Variants in SLC12A6 observed in about 807,000 individuals in gnomAD.
SLC12A6 encodes the protein K-Cl cotransporter 3.
In SLC12A6, 66 loss-of-function variants were observed where a neutral mutation model predicts 135.3. The ratio of observed to expected loss-of-function variants is 0.49; its 90% CI spans 0.40 to 0.60. The LOEUF is 0.60. SLC12A6 is among the 20% of genes least tolerant of loss of function. SLC12A6 has a pLI of 0.00. For missense variants in SLC12A6, 1,058 were observed against 1,452.3 expected (o/e 0.73, Z 4.41); for synonymous variants, 513 against 508.8 (o/e 1.01, Z -0.11).
intron 9 of SLC12A6, among the ~76,000 whole-genome samples, chr15:34,253,942 C>A (rs553244410): frequency 6.6e-6 from 1 of 152,208 alleles, no homozygotes; most frequent in East Asian, 1.9e-4. Context: ...CTAGGCTGGG[C>A]GCAGTGGCTC....
At chr15:34,327,530 C>T (rs866439310) in intron 2 of SLC12A6, among the ~76,000 whole-genome samples, 2 of 151,988 alleles carry the variant, frequency 1.3e-5, no homozygotes, top group African/African-American at 4.8e-5. Flanking sequence ...TGGTGGCATG[C>T]GCCTGTAATC....
chr15:34,253,479 G>A (rs969257267), intron 9 of SLC12A6, among the ~76,000 whole-genome samples: 11 of 152,258 alleles, frequency 7.2e-5, no homozygotes, highest in Non-Finnish European at 1.3e-4. Context: ...GTTTAAGATG[G>A]AATCTACTTC....
intron 2 of SLC12A6, among the ~76,000 whole-genome samples, chr15:34,300,243 G>C (rs1252279017): frequency 6.6e-6 from 1 of 152,090 alleles, no homozygotes. Flanking sequence ...TTATGAAGAA[G>C]AATATTAGAA....
At chr15:34,237,895 C>T (rs990538599) in intron 21 of SLC12A6, among the ~76,000 whole-genome samples, 5 of 152,164 alleles carry the variant, frequency 3.3e-5, no homozygotes, top group Admixed American at 2.6e-4. Context: ...AGTCTTACCA[C>T]GGAATGAGCG....
intron 5 of SLC12A6, among the ~76,000 whole-genome samples, chr15:34,258,524 C>CCAATTT: frequency 6.6e-6 from 1 of 152,310 alleles, no homozygotes; most frequent in East Asian, 1.9e-4. Context: ...GGATCCCTTG[C>CCAATTT]CAATTTCAGT....
chr15:34,285,829 A>G (rs766246637), intron 2 of SLC12A6, among the ~76,000 whole-genome samples: 3 of 152,078 alleles, frequency 2.0e-5, no homozygotes, highest in Non-Finnish European at 4.4e-5. Context: ...AGCTAGTCAT[A>G]CAAAGGCAAA....
intron 2 of SLC12A6, among the ~76,000 whole-genome samples, chr15:34,278,808 A>T (rs767869991): frequency 1.3e-5 from 2 of 151,778 alleles, no homozygotes; most frequent in Admixed American, 6.6e-5. Context: ...TGACCTCATG[A>T]TCCACCTGCC....
At chr15:34,279,689 G>A (rs1894542673) in intron 2 of SLC12A6, among the ~76,000 whole-genome samples, 1 of 152,090 alleles carries the variant, frequency 6.6e-6, no homozygotes, top group Non-Finnish European at 1.5e-5. Context: ...TCTCTAATAG[G>A]AACTATGTGC....
chr15:34,331,614 T>C (rs1215369102), intron 2 of SLC12A6, among the ~76,000 whole-genome samples: 3 of 152,224 alleles, frequency 2.0e-5, no homozygotes, highest in East Asian at 1.9e-4. Context: ...ACAAGTTATA[T>C]GTGATATCAC....
intron 2 of SLC12A6, chr15:34,318,937 T>C (rs1391606017): frequency 2.3e-6 from 1 of 433,470 alleles, no homozygotes; most frequent in Non-Finnish European, 3.1e-6. Context: ...GTTATTAACC[T>C]GAAGAACCCC....
rs570488711 is a variant in SLC12A6 at position 34,310,769 on chromosome 15, A to AGTGTGT, written c.271+25635_271+25640dup. Among the ~76,000 whole-genome samples the AGTGTGT allele has an allele frequency of 2.0e-3, 52 of 25,366 alleles. 1 individual carries two copies. Among genetic ancestry groups the AGTGTGT allele is most frequent in the East Asian group, 8.1e-3 (9 of 1,106 alleles). The allele number at this position is 25,366 out of a possible 152,430, so 16.6% of individuals were successfully genotyped here. A position where few individuals can be genotyped will look rare whatever the true frequency, so the allele number is the denominator to read the frequency against. On this transcript the variant is annotated intron_variant, in intron 2 of 25. Coordinates refer to ENST00000354181, the MANE Select transcript of SLC12A6 (RefSeq NM_001365088.1). ...GGCTGGTGTTGAACTCCTGGGCTCA[A>AGTGTGT]GTGTGTGTGTGTGTGTGTGTGTGTG... is the stretch of plus-strand genomic sequence containing the variant.
At chr15:34,310,094 C>T (rs1347415150) in intron 2 of SLC12A6, among the ~76,000 whole-genome samples, 1 of 151,716 alleles carries the variant, frequency 6.6e-6, no homozygotes, top group Non-Finnish European at 1.5e-5. Flanking sequence ...CTGCAGCCTC[C>T]ACCTCCTGGG....
chr15:34,277,895 T>C (rs981538905), intron 2 of SLC12A6, among the ~76,000 whole-genome samples: 5 of 152,210 alleles, frequency 3.3e-5, no homozygotes, highest in African/African-American at 1.2e-4. Context: ...AGACACATCA[T>C]ACTACTGCCC....
rs375227583 is a variant in SLC12A6 at position 34,258,784 on chromosome 15, A to G, written c.543+29T>C. On this transcript the variant is annotated intron_variant, in intron 5 of 25. Transcript: ENST00000354181. ...CTTTCTTATATACAGGGCTCTTTCT[A>G]TGTATTCCTTGTTATTCTGAGGCCT... The G allele has an allele frequency of 5.9e-4, 943 of 1,588,588 alleles. 1 individual carries two copies. Among genetic ancestry groups the G allele is most frequent in the Non-Finnish European group, 7.6e-4 (874 of 1,157,092 alleles).
chr15:34,273,898 T>C lies in SLC12A6; in HGVS notation c.316+1447A>G, dbSNP rs949882005. On this transcript the variant is annotated intron_variant, in intron 3 of 25. Transcript: ENST00000354181. ...ATAATACCTGTTTTTTTTTTTATTA[T>C]AGAGAGTCAAGCATTACTCCATACT... is the stretch of plus-strand genomic sequence containing the variant. 6.6e-5 allele frequency among the ~76,000 whole-genome samples: 10 copies of C among 152,126 alleles called. 1 individual carries two copies. The highest frequency in any genetic ancestry group is 2.6e-4 in the Admixed American group (4 of 15,270).
At chr15:34,305,133 C>G (rs748349424) in intron 2 of SLC12A6, among the ~76,000 whole-genome samples, 2 of 152,096 alleles carry the variant, frequency 1.3e-5, no homozygotes, top group African/African-American at 2.4e-5. Context: ...TTGATAGGTG[C>G]AACCTGTTCT....
chr15:34,285,516 T>TG (rs1174547487), intron 2 of SLC12A6, among the ~76,000 whole-genome samples: 3 of 151,748 alleles, frequency 2.0e-5, no homozygotes, highest in African/African-American at 7.3e-5. Flanking sequence ...TGGTTTTTTT[T>TG]TTTTTCCAAG....
At chr15:34,241,452 G>T in intron 17 of SLC12A6, 115 bp from the exon 18 acceptor site, 1 of 672,864 alleles carries the variant, frequency 1.5e-6, no homozygotes, top group Non-Finnish European at 2.6e-6. Context: ...GAAGATTAAA[G>T]CTCAGATTAA....
At chr15:34,308,364 C>T (rs1418971814) in intron 2 of SLC12A6, among the ~76,000 whole-genome samples, 1 of 152,034 alleles carries the variant, frequency 6.6e-6, no homozygotes, top group Non-Finnish European at 1.5e-5. Flanking sequence ...GTGGCTCATG[C>T]CTGTAATCCC....
Sources: gnomAD v4.1 joint callset for allele counts (sites outside exome capture counted in the v4.1 genomes callset) on GRCh38, gnomAD v4.1.1 for gene constraint, MANE v1.5 for transcripts, NCBI Gene and HGNC (gene_info 2026-07-23, HGNC 2026-07-21) for gene names.